MBD5: variants seen among roughly 807,000 people sequenced by gnomAD.
MBD5 encodes methyl-CpG-binding domain protein 5.
MBD5 carries 13 observed loss-of-function variants against 117.3 expected under a neutral mutation model. The ratio of observed to expected loss-of-function variants is 0.11; its 90% confidence interval spans 0.07 to 0.18. The LOEUF (loss-of-function observed/expected upper bound fraction) is 0.18, where lower values mean the gene tolerates loss of function less well. MBD5 is among the 10% of genes least tolerant of loss of function. The probability of loss-of-function intolerance (pLI) is 1.00; values close to 1 mark genes in which losing one functional copy is unlikely to be tolerated. For missense variants in MBD5, 1,879 were observed against 2,093.8 expected, an observed-to-expected ratio of 0.90 and a Z score of 2.00; for synonymous variants, 727 against 766.4, an observed-to-expected ratio of 0.95 and a Z score of 0.85.
chr2:148,511,981 A>G (rs543107272), intron 13 of MBD5, among the ~76,000 whole-genome samples: 1 of 152,336 alleles, frequency 6.6e-6, no homozygotes, highest in South Asian at 2.1e-4. Context: ...GTCCTGTGAC[A>G]TAAGGTTGGC....
At chr2:148,494,950 G>A (rs1357354583) in intron 11 of MBD5, among the ~76,000 whole-genome samples, 4 of 152,084 alleles carry the variant, frequency 2.6e-5, no homozygotes, top group Admixed American at 1.3e-4. Context: ...GCGACAGAGC[G>A]AGGCTCTGTC....
At chr2:148,088,598 T>C (rs1325460167) in intron 1 of MBD5, among the ~76,000 whole-genome samples, 1 of 152,156 alleles carries the variant, frequency 6.6e-6, no homozygotes. Flanking sequence ...TAATTTCATA[T>C]CCAGCAAAAC....
intron 2 of MBD5, among the ~76,000 whole-genome samples, chr2:148,194,763 GAAAAAAAAAAAAATTAAA>G (rs1338950315): frequency 1.6e-5 from 2 of 124,456 alleles, no homozygotes; most frequent in Admixed American, 8.2e-5. Flanking sequence ...AGTATAATAA[GAAAAAAAAAAAAATTAAA>G]AAAAAAAAAA....
intron 3 of MBD5, among the ~76,000 whole-genome samples, chr2:148,238,892 A>G (rs1700148622): frequency 1.3e-5 from 2 of 152,044 alleles, no homozygotes; most frequent in African/African-American, 4.8e-5. Context: ...CATCTTAATT[A>G]CATCTATAAA....
intron 2 of MBD5, among the ~76,000 whole-genome samples, chr2:148,218,373 A>ATTTCAAAG (rs758231542): frequency 3.3e-5 from 5 of 152,176 alleles, no homozygotes; most frequent in Non-Finnish European, 7.3e-5. Flanking sequence ...GCATAAGCAT[A>ATTTCAAAG]TTTCAAAGTT....
intron 3 of MBD5, among the ~76,000 whole-genome samples, chr2:148,251,773 C>G (rs868432240): frequency 5.9e-5 from 9 of 152,036 alleles, no homozygotes; most frequent in African/African-American, 1.9e-4. Flanking sequence ...ACAATTAATG[C>G]AATTGTTGAC....
intron 1 of MBD5, among the ~76,000 whole-genome samples, chr2:148,059,619 G>A (rs1177931963): frequency 9.9e-5 from 15 of 150,810 alleles, no homozygotes; most frequent in African/African-American, 2.9e-4. Flanking sequence ...AGGCCGAGGC[G>A]GGCGGATCAC....
At chr2:148,129,428 G>A (rs1353119449) in intron 1 of MBD5, among the ~76,000 whole-genome samples, 4 of 152,080 alleles carry the variant, frequency 2.6e-5, no homozygotes, top group Non-Finnish European at 5.9e-5. Context: ...CCAGGGAGGC[G>A]GAGGTTGCAG....
At chr2:148,425,865 T>A (rs1376644149) in intron 4 of MBD5, among the ~76,000 whole-genome samples, 2 of 152,186 alleles carry the variant, frequency 1.3e-5, no homozygotes, top group African/African-American at 2.4e-5. Context: ...GTCAATAAAC[T>A]AAGTATTGAT....
intron 4 of MBD5, among the ~76,000 whole-genome samples, chr2:148,378,842 T>G (rs182960233): frequency 6.6e-6 from 1 of 152,232 alleles, no homozygotes; most frequent in East Asian, 1.9e-4. Context: ...TGTATAGTTA[T>G]TGGCTTTCCA....
chr2:148,140,934 T>C (rs1313953498), intron 1 of MBD5, among the ~76,000 whole-genome samples: 1 of 151,746 alleles, frequency 6.6e-6, no homozygotes, highest in Non-Finnish European at 1.5e-5. Context: ...CCCAGCTAAT[T>C]TTTTTATTTT....
chr2:148,298,302 T>A (rs903523260), intron 3 of MBD5, among the ~76,000 whole-genome samples: 1 of 152,128 alleles, frequency 6.6e-6, no homozygotes, highest in Non-Finnish European at 1.5e-5. Context: ...GTGGAAGATA[T>A]CAGAGCCCTT....
intron 1 of MBD5, among the ~76,000 whole-genome samples, chr2:148,154,248 C>T (rs1422055347): frequency 6.6e-6 from 1 of 151,906 alleles, no homozygotes; most frequent in Non-Finnish European, 1.5e-5. Flanking sequence ...AGTTAGGCTG[C>T]TCGGGGGTCA....
At chr2:148,137,156 TCTC>T (rs1697190735) in intron 1 of MBD5, among the ~76,000 whole-genome samples, 1 of 152,110 alleles carries the variant, frequency 6.6e-6, no homozygotes, top group Admixed American at 6.5e-5. Context: ...GTTCCCTAAA[TCTC>T]CTATTTGTAG....
intron 2 of MBD5, among the ~76,000 whole-genome samples, chr2:148,203,060 G>A (rs2044762): frequency 0.62 from 91,502 of 147,826 alleles, 30,704 homozygotes; most frequent in East Asian, 0.8. Context: ...AGCCAAGATC[G>A]CGCCATTGCA....
rs545878445 is a variant in MBD5, at chr2:148,482,976, TAA to T, written c.2519-133_2519-132del. ...AGATGTCAAGTGATCTGATTACAAT[TAA>T]TCTAGTTACAATCAATGAAGGTGCC... is the stretch of plus-strand genomic sequence containing the variant. On this transcript the variant is annotated intron_variant, in intron 8 of 13. Coordinates refer to ENST00000642680, the MANE Select transcript of MBD5 (RefSeq NM_001378120.1). The T allele has an allele frequency of 5.5e-3, 5,186 of 941,560 alleles. 21 individuals carry two copies. The highest frequency in any genetic ancestry group is 7.3e-3 in the Non-Finnish European group (4,567 of 625,060). 58.3% of individuals were successfully genotyped at this position (941,560 alleles called of 1,614,324 possible).
intron 2 of MBD5, among the ~76,000 whole-genome samples, chr2:148,230,708 T>C (rs530510044): frequency 2.8e-4 from 43 of 151,876 alleles, no homozygotes; most frequent in African/African-American, 1.0e-3. Context: ...CTCAATGTAG[T>C]ACCTGGGTAT....
At chr2:148,492,642 C>T (rs1238152948) in intron 11 of MBD5, among the ~76,000 whole-genome samples, 2 of 152,050 alleles carry the variant, frequency 1.3e-5, no homozygotes, top group East Asian at 3.9e-4. Context: ...AAACTAAGTA[C>T]TACTTCATAA....
chr2:148,143,890 G>A (rs1268830380), intron 1 of MBD5, among the ~76,000 whole-genome samples: 2 of 151,890 alleles, frequency 1.3e-5, no homozygotes, highest in African/African-American at 4.8e-5. Context: ...CTTTGCTATT[G>A]TGAATAGTGC....
Sources: allele counts gnomAD v4.1 joint callset (sites outside exome capture counted in the v4.1 genomes callset), GRCh38; gene constraint gnomAD v4.1.1; transcripts MANE v1.5; gene names NCBI Gene and HGNC (gene_info 2026-07-23, HGNC 2026-07-21).